Variants in MAGI2 observed in about 807,000 individuals in gnomAD.
MAGI2 encodes membrane associated guanylate kinase, WW and PDZ domain containing 2.
Under a neutral mutation model 133.3 loss-of-function variants are expected in MAGI2, and 35 were observed. That is an observed-to-expected ratio of 0.26 (90% CI 0.20 to 0.35). MAGI2 has a LOEUF of 0.35. MAGI2 is among the 10% of genes least tolerant of loss of function. MAGI2 has a pLI of 1.00. For synonymous variants in MAGI2, 729 were observed against 710.6 expected, an observed-to-expected ratio of 1.03 and a Z score of -0.41; for missense variants, 1,636 against 1,863.4, an observed-to-expected ratio of 0.88 and a Z score of 2.25.
At chr7:78,882,927 A>C (rs1795988759) in intron 2 of MAGI2, among the ~76,000 whole-genome samples, 1 of 152,108 alleles carries the variant, frequency 6.6e-6, no homozygotes, top group African/African-American at 2.4e-5. Context: ...AGCTGGAAGC[A>C]CTCCCTTAAG....
At chr7:78,381,240 G>A (rs1011467907) in intron 6 of MAGI2, among the ~76,000 whole-genome samples, 2 of 152,034 alleles carry the variant, frequency 1.3e-5, no homozygotes, top group Non-Finnish European at 2.9e-5. Context: ...TCAGCTACTC[G>A]GGAGGCTGAG....
intron 6 of MAGI2, among the ~76,000 whole-genome samples, chr7:78,372,877 C>T (rs1794063372): frequency 6.6e-6 from 1 of 152,100 alleles, no homozygotes; most frequent in African/African-American, 2.4e-5. Flanking sequence ...TTACAGAAAA[C>T]AGAGACCCCT....
rs145445761 is a variant in MAGI2 at position 78,255,068 on chromosome 7, C to T, written c.2047+875G>A. 589 of 152,282 alleles carry T rather than the reference C, an allele frequency of 3.9e-3. 4 individuals are homozygous for T. The highest frequency in any genetic ancestry group is 0.013 in the South Asian group (61 of 4,828). 9.4% of individuals were successfully genotyped at this position (152,282 alleles called of 1,614,324 possible). A position where few individuals can be genotyped will look rare whatever the true frequency, so the allele number is the denominator to read the frequency against. ...ATCCTTTTCCTTTACACTCTTTTTTCGAGATAGTATCCTCTTTATCTATGG... is the reference window on the plus strand; with the variant it reads ...ATCCTTTTCCTTTACACTCTTTTTTTGAGATAGTATCCTCTTTATCTATGG... On this transcript the variant is annotated intron_variant, in intron 10 of 21. Coordinates refer to ENST00000354212, the MANE Select transcript of MAGI2 (RefSeq NM_012301.4).
At chr7:79,442,909 A>G (rs901843763) in intron 1 of MAGI2, among the ~76,000 whole-genome samples, 2 of 152,134 alleles carry the variant, frequency 1.3e-5, no homozygotes, top group Non-Finnish European at 2.9e-5. Context: ...TTTGTCTAGC[A>G]AAGAGTTTAA....
At chr7:78,239,988 C>A (rs1298563063) in intron 10 of MAGI2, among the ~76,000 whole-genome samples, 1 of 148,396 alleles carries the variant, frequency 6.7e-6, no homozygotes, top group Non-Finnish European at 1.5e-5. Flanking sequence ...TTTCCTAGAA[C>A]TTTTTTTTTT....
intron 2 of MAGI2, among the ~76,000 whole-genome samples, chr7:78,719,055 A>G (rs1820001070): frequency 6.6e-6 from 1 of 152,172 alleles, no homozygotes. Flanking sequence ...TTGCATCCTT[A>G]TGTCTGTGGG....
At chr7:78,543,462 A>T (rs1404241272) in intron 3 of MAGI2, among the ~76,000 whole-genome samples, 1 of 152,264 alleles carries the variant, frequency 6.6e-6, no homozygotes, top group East Asian at 1.9e-4. Context: ...TTTTTAAAAA[A>T]GGTATATTGT....
chr7:78,096,469 A>G (rs1246151369), intron 20 of MAGI2, among the ~76,000 whole-genome samples: 1 of 152,218 alleles, frequency 6.6e-6, no homozygotes, highest in Non-Finnish European at 1.5e-5. Flanking sequence ...AACTTATTCA[A>G]TAGGAAACTT....
At chr7:79,309,538 A>T (rs1838078532) in intron 1 of MAGI2, among the ~76,000 whole-genome samples, 1 of 152,008 alleles carries the variant, frequency 6.6e-6, no homozygotes, top group Admixed American at 6.6e-5. Flanking sequence ...CTTTTATTGG[A>T]AAACTTCAGT....
chr7:79,340,572 T>G (rs1227647478), intron 1 of MAGI2, among the ~76,000 whole-genome samples: 1 of 152,186 alleles, frequency 6.6e-6, no homozygotes, highest in East Asian at 1.9e-4. Flanking sequence ...TTGACAAATT[T>G]GTTAATTTGT....
intron 1 of MAGI2, among the ~76,000 whole-genome samples, chr7:79,082,576 C>T (rs1377327334): frequency 2.0e-5 from 3 of 151,988 alleles, no homozygotes; most frequent in Non-Finnish European, 4.4e-5. Context: ...TTTAACTGTT[C>T]TATATGTCTG....
chr7:79,170,032 A>G (rs1825358904), intron 1 of MAGI2, among the ~76,000 whole-genome samples: 1 of 151,794 alleles, frequency 6.6e-6, no homozygotes, highest in Admixed American at 6.6e-5. Flanking sequence ...CTGAAATAGG[A>G]CTATATTTTA....
chr7:78,787,173 C>G (rs1176261759), intron 2 of MAGI2, among the ~76,000 whole-genome samples: 1 of 152,126 alleles, frequency 6.6e-6, no homozygotes, highest in Non-Finnish European at 1.5e-5. Flanking sequence ...GTCTCGATCT[C>G]CTGACCTCAT....
chr7:78,321,811 A>G lies in MAGI2; in HGVS notation c.1408+21967T>C, dbSNP rs541184745. ...AAAGAGCTTCTGCACTGCAAAAGAA[A>G]TTATCATCAGAGTGAACAAGCAACC... On this transcript the variant is annotated intron_variant, in intron 9 of 21. Coordinates refer to ENST00000354212, the MANE Select transcript of MAGI2 (RefSeq NM_012301.4). Among the ~76,000 whole-genome samples the G allele has an allele frequency of 4.6e-5, 7 of 152,342 alleles. 1 individual carries two copies. The South Asian group carries it at 1.4e-3, about 32-fold the overall frequency.
chr7:79,337,643 T>C (rs996297545), intron 1 of MAGI2, among the ~76,000 whole-genome samples: 1 of 152,098 alleles, frequency 6.6e-6, no homozygotes, highest in Non-Finnish European at 1.5e-5. Flanking sequence ...ATCTTAGGTA[T>C]CTATTTGATC....
chr7:78,980,213 C>T (rs1401352517), intron 2 of MAGI2, among the ~76,000 whole-genome samples: 2 of 151,664 alleles, frequency 1.3e-5, no homozygotes, highest in Non-Finnish European at 2.9e-5. Context: ...TTATATCTTC[C>T]TCACAGGATT....
At position 78,401,533 on chromosome 7, in the gene MAGI2, A is replaced by T. The variant is rs182627440; in HGVS notation, c.1046-32320T>A. ...TGTTAGTGCTCTGTTCTTTTTAGAC[A>T]GTCTTTTTGTGTAAGTTCTTCTATG... On this transcript the variant is annotated intron_variant, in intron 6 of 21. Transcript: ENST00000354212. 3.2e-3 allele frequency among the ~76,000 whole-genome samples: 490 copies of T among 152,066 alleles called. 2 individuals carry two copies. Among genetic ancestry groups the T allele is most frequent in the Middle Eastern group, 0.027 (8 of 294 alleles).
intron 2 of MAGI2, among the ~76,000 whole-genome samples, chr7:78,759,832 T>C (rs1824303611): frequency 6.6e-6 from 1 of 152,148 alleles, no homozygotes; most frequent in East Asian, 1.9e-4. Flanking sequence ...GTTAGTTCTT[T>C]AAGAAAATAA....
intron 2 of MAGI2, among the ~76,000 whole-genome samples, chr7:78,970,506 C>T (rs1803696597): frequency 6.6e-6 from 1 of 152,014 alleles, no homozygotes; most frequent in Admixed American, 6.6e-5. Flanking sequence ...AGATAAATTC[C>T]TATATGATAG....
Sources: allele counts gnomAD v4.1 joint callset (sites outside exome capture counted in the v4.1 genomes callset), GRCh38; gene constraint gnomAD v4.1.1; transcripts MANE v1.5; gene names NCBI Gene and HGNC (gene_info 2026-07-23, HGNC 2026-07-21).